The following SGMS1 variants were observed in gnomAD, a reference collection of about 807,000 sequenced individuals.
SGMS1 encodes phosphatidylcholine:ceramide cholinephosphotransferase 1.
In SGMS1, 13 loss-of-function variants were observed where a neutral mutation model predicts 46.2. That is an observed-to-expected ratio of 0.28 (90% CI 0.18 to 0.45). The LOEUF (loss-of-function observed/expected upper bound fraction) is 0.45. Among genes scored for constraint, SGMS1 ranks in the 20% least tolerant of loss-of-function variants. SGMS1 has a pLI of 1.00. For synonymous variants in SGMS1, 203 were observed against 187.8 expected, an observed-to-expected ratio of 1.08 and a Z score of -0.66; for missense variants, 324 against 519.9, an observed-to-expected ratio of 0.62 and a Z score of 3.66.
At chr10:50,511,251 A>ACACACACG (rs1837752201) in intron 3 of SGMS1, among the ~76,000 whole-genome samples, 1 of 134,012 alleles carries the variant, frequency 7.5e-6, no homozygotes, top group Non-Finnish European at 1.6e-5. Flanking sequence ...TCATTCATAC[A>ACACACACG]CACACACACA....
At chr10:50,543,033 C>T (rs1482544683) in intron 2 of SGMS1, among the ~76,000 whole-genome samples, 2 of 152,140 alleles carry the variant, frequency 1.3e-5, no homozygotes, top group Non-Finnish European at 2.9e-5. Context: ...TAACAAGGGA[C>T]ATTAGGCATC....
At chr10:50,353,582 T>C (rs1354490716) in intron 6 of SGMS1, among the ~76,000 whole-genome samples, 24 of 152,290 alleles carry the variant, frequency 1.6e-4, no homozygotes, top group African/African-American at 4.8e-4. Flanking sequence ...TTGGAAGTTC[T>C]GGCCAGGGCA....
intron 2 of SGMS1, among the ~76,000 whole-genome samples, chr10:50,536,659 A>G (rs1254582233): frequency 1.3e-5 from 2 of 152,216 alleles, no homozygotes; most frequent in African/African-American, 4.8e-5. Flanking sequence ...ATGCCCTTCC[A>G]GGTCTCTCCT....
At chr10:50,409,215 A>T (rs1280704974) in intron 6 of SGMS1, among the ~76,000 whole-genome samples, 1 of 152,158 alleles carries the variant, frequency 6.6e-6, no homozygotes, top group Non-Finnish European at 1.5e-5. Context: ...GATATCCATG[A>T]CCTCCAGTAT....
chr10:50,600,738 C>G (rs552448171), intron 1 of SGMS1, among the ~76,000 whole-genome samples: 1 of 152,182 alleles, frequency 6.6e-6, no homozygotes. Context: ...TTTTGAGAGT[C>G]TTCTATGTGT....
Position 50,343,860 on chromosome 10 carries a change from G to C in SGMS1, c.255C>G (p.Leu85=). The change falls in exon 7 of 11, where the codon CTC becomes CTG. Residue 85 remains leucine, a synonymous_variant. Transcript: ENST00000361781. The stretch of plus-strand genomic sequence containing the variant: ...GGGTGGGGATGTCTACGCCAATGTT[G>C]AGGTGCCCATTGGCATGGCCGTTCT... ...AHKNGHANGH[L]NIGVDIPTPD... 1 of 1,614,136 alleles carries C rather than the reference G, an allele frequency of 6.2e-7. No homozygotes were observed. The highest frequency in any genetic ancestry group is 1.3e-5 in the African/African-American group (1 of 75,022).
intron 5 of SGMS1, among the ~76,000 whole-genome samples, chr10:50,450,665 A>G (rs1837095545): frequency 1.3e-5 from 2 of 152,248 alleles, no homozygotes; most frequent in African/African-American, 4.8e-5. Context: ...AAAAATATCC[A>G]ACACATTTTT....
At chr10:50,369,905 T>C (rs966261274) in intron 6 of SGMS1, among the ~76,000 whole-genome samples, 1 of 152,254 alleles carries the variant, frequency 6.6e-6, no homozygotes, top group African/African-American at 2.4e-5. Context: ...ATACCTAGGC[T>C]GTATGGTATA....
intron 3 of SGMS1, among the ~76,000 whole-genome samples, chr10:50,513,811 G>C (rs756264990): frequency 1.2e-4 from 18 of 152,162 alleles, no homozygotes; most frequent in Non-Finnish European, 2.4e-4. Context: ...CCTAATGGCT[G>C]TTTCACATCA....
intron 2 of SGMS1, among the ~76,000 whole-genome samples, chr10:50,538,540 C>A (rs1241765194): frequency 6.6e-6 from 1 of 151,988 alleles, no homozygotes; most frequent in Non-Finnish European, 1.5e-5. Context: ...TAAGTGGGAC[C>A]CTCCCACTCC....
At chr10:50,392,563 T>A (rs2133513404) in intron 6 of SGMS1, among the ~76,000 whole-genome samples, 1 of 152,232 alleles carries the variant, frequency 6.6e-6, no homozygotes, top group East Asian at 1.9e-4. Context: ...TCAGGATCCA[T>A]GAAGACCAGC....
Position 50,343,837 on chromosome 10 carries a change from G to A in SGMS1, c.278C>T (p.Thr93Ile), listed in dbSNP as rs760117324. The A allele has an allele frequency of 1.1e-5, 18 of 1,614,132 alleles. No individual in the cohort carries two copies. Among genetic ancestry groups the A allele is most frequent in the Non-Finnish European group, 1.4e-5 (17 of 1,180,034 alleles). Residue 93 changes from threonine (T) to isoleucine (I), a missense_variant, in exon 7 of 11, where the codon ACC becomes ATC. This residue lies in a region of SGMS1 where 150 missense variants were observed against 169.8 expected (regional missense o/e 0.88). Transcript: ENST00000361781. ...GHLNIGVDIP[T>I]PDGSFSIKIK... ...CTTGATGCTGAAGCTGCCGTCGGGG[G>A]TGGGGATGTCTACGCCAATGTTGAG...
At chr10:50,503,231 G>T (rs957342992) in intron 3 of SGMS1, among the ~76,000 whole-genome samples, 1 of 152,196 alleles carries the variant, frequency 6.6e-6, no homozygotes, top group African/African-American at 2.4e-5. Context: ...GAGGGAAAAT[G>T]AACTTGCAGG....
At chr10:50,317,598 C>T (rs573838749) in intron 8 of SGMS1, among the ~76,000 whole-genome samples, 6 of 152,242 alleles carry the variant, frequency 3.9e-5, no homozygotes, top group Non-Finnish European at 2.9e-5. Context: ...AAGGACAATA[C>T]CCAAGGCTGG....
In SGMS1 at chr10:50,570,522, A is replaced by G. The variant is rs187002282; in HGVS notation, c.-589+19631T>C. ...TTTTAAAAATAAGAATAAAGACCCA[A>G]TGAGTGAAATGAGAGACAGGCCCAA... is the stretch of plus-strand genomic sequence containing the variant. On this transcript the variant is annotated intron_variant, in intron 2 of 10. Coordinates refer to ENST00000361781, the MANE Select transcript of SGMS1 (RefSeq NM_147156.4). 2.3e-3 allele frequency among the ~76,000 whole-genome samples: 354 copies of G among 152,322 alleles called. 6 individuals are homozygous for G. Among genetic ancestry groups the G allele is most frequent in the Non-Finnish European group, 1.4e-3 (94 of 68,024 alleles).
At chr10:50,486,450 A>G (rs1243675655) in intron 3 of SGMS1, among the ~76,000 whole-genome samples, 1 of 152,242 alleles carries the variant, frequency 6.6e-6, no homozygotes. Flanking sequence ...TCCACAAGGA[A>G]CTTAAACAAA....
chr10:50,480,541 G>A (rs996647185), intron 3 of SGMS1, among the ~76,000 whole-genome samples: 2 of 152,146 alleles, frequency 1.3e-5, no homozygotes, highest in South Asian at 4.1e-4. Context: ...ACAGGGCAAG[G>A]GGAACTCCCA....
In SGMS1 at chr10:50,623,502, C is replaced by T. The variant is rs1838877280; in HGVS notation, c.-684+205G>A. ...GCCCGGATCCCGGCCGCCGGACCTC[C>T]CCGCTGTGACCACCCACGGGAGCAG... On this transcript the variant is annotated intron_variant, in intron 1 of 10. Transcript: ENST00000361781. The T allele has an allele frequency of 3.3e-6, 3 of 899,980 alleles. No homozygotes were observed. In the Admixed American group the frequency reaches 1.9e-4, roughly 56 times the overall value. 55.7% of individuals were successfully genotyped at this position (899,980 alleles called of 1,614,324 possible). A position where few individuals can be genotyped will look rare whatever the true frequency, so the allele number is the denominator to read the frequency against.
chr10:50,576,614 G>T (rs536810421), intron 2 of SGMS1, among the ~76,000 whole-genome samples: 2 of 152,336 alleles, frequency 1.3e-5, no homozygotes, highest in Non-Finnish European at 2.9e-5. Flanking sequence ...AACCAGATGA[G>T]GGGCCTATTC....
Sources: gnomAD v4.1 joint callset for allele counts (sites outside exome capture counted in the v4.1 genomes callset) on GRCh38, gnomAD v4.1.1 for gene constraint, gnomAD v4.1.1 regional missense constraint, MANE v1.5 for transcripts, NCBI Gene and HGNC (gene_info 2026-07-23, HGNC 2026-07-21) for gene names.